IPCEF1: variants seen among roughly 807,000 people sequenced by gnomAD.
IPCEF1 encodes interactor protein for cytohesin exchange factors 1.
IPCEF1 carries 31 observed loss-of-function variants against 50.9 expected under a neutral mutation model. That is an observed-to-expected ratio of 0.61 (90% CI 0.46 to 0.82). IPCEF1 has a LOEUF of 0.82. Among genes scored for constraint, IPCEF1 ranks in the 40% least tolerant of loss-of-function variants. The pLI is 0.00. For synonymous variants in IPCEF1, 181 were observed against 192.0 expected (o/e 0.94, Z 0.47); for missense variants, 458 against 514.0 (o/e 0.89, Z 1.05).
intron 3 of IPCEF1, among the ~76,000 whole-genome samples, chr6:154,261,603 C>A (rs1781603788): frequency 6.6e-6 from 1 of 152,128 alleles, no homozygotes; most frequent in Non-Finnish European, 1.5e-5. Flanking sequence ...CCCATTGTTT[C>A]ATTTAGAAGA....
intron 5 of IPCEF1, among the ~76,000 whole-genome samples, chr6:154,245,525 T>C (rs1780959916): frequency 6.6e-6 from 1 of 152,194 alleles, no homozygotes; most frequent in Admixed American, 6.5e-5. Flanking sequence ...AACTAAAAAT[T>C]TGGCCCACAA....
chr6:154,166,940 G>A (rs1227329530), intron 11 of IPCEF1, among the ~76,000 whole-genome samples: 1 of 151,986 alleles, frequency 6.6e-6, no homozygotes. Flanking sequence ...TATTATCTTT[G>A]TATAATTAAA....
chr6:154,235,560 G>T, intron 5 of IPCEF1, among the ~76,000 whole-genome samples: 1 of 139,116 alleles, frequency 7.2e-6, no homozygotes, highest in African/African-American at 2.7e-5. Context: ...AAGTAATGAA[G>T]ACAAAGTTAA....
At chr6:154,210,082 T>A (rs1255783281) in intron 9 of IPCEF1, among the ~76,000 whole-genome samples, 2 of 152,320 alleles carry the variant, frequency 1.3e-5, no homozygotes, top group East Asian at 3.9e-4. Context: ...ACTGTCATTA[T>A]ATAATGCAAT....
chr6:154,286,691 T>G (rs1782368602), intron 2 of IPCEF1, among the ~76,000 whole-genome samples: 1 of 152,052 alleles, frequency 6.6e-6, no homozygotes, highest in Non-Finnish European at 1.5e-5. Flanking sequence ...GGGAGAGCAG[T>G]GTGATGGAAG....
intron 9 of IPCEF1, among the ~76,000 whole-genome samples, chr6:154,203,556 A>G (rs1777244511): frequency 6.6e-6 from 1 of 152,192 alleles, no homozygotes; most frequent in African/African-American, 2.4e-5. Flanking sequence ...TCAAGGATAC[A>G]GGGAGCCGAC....
At chr6:154,198,043 G>T (rs770915319) in intron 10 of IPCEF1, among the ~76,000 whole-genome samples, 2 of 152,134 alleles carry the variant, frequency 1.3e-5, no homozygotes, top group African/African-American at 4.8e-5. Flanking sequence ...AGAACAAGAG[G>T]TGTGACCAAT....
chr6:154,170,158 A>G (rs568125767), intron 10 of IPCEF1, among the ~76,000 whole-genome samples: 3 of 152,326 alleles, frequency 2.0e-5, no homozygotes, highest in African/African-American at 7.2e-5. Flanking sequence ...ATTTCTCACT[A>G]AGAACGTTAG....
chr6:154,201,861 C>T (rs1248638510), intron 9 of IPCEF1, among the ~76,000 whole-genome samples: 1 of 152,152 alleles, frequency 6.6e-6, no homozygotes, highest in Non-Finnish European at 1.5e-5. Context: ...CATGATTGTA[C>T]TCCAGCCTGG....
rs145637671 is a variant in IPCEF1, at chr6:154,185,699, G to A, written c.910+13969C>T. On this transcript the variant is annotated intron_variant, in intron 10 of 11. Coordinates refer to ENST00000367220, the MANE Select transcript of IPCEF1 (RefSeq NM_001130700.2). Reference sequence around the variant, plus strand: ...GGTGTCCAATCTTTTGGCTTCCCTCGGCCACATTAGAAGAAGAAGAAGAAC... The same window carrying A: ...GGTGTCCAATCTTTTGGCTTCCCTCAGCCACATTAGAAGAAGAAGAAGAAC... Among the ~76,000 whole-genome samples, 27 of 151,930 alleles carry A rather than the reference G, an allele frequency of 1.8e-4. No individual in the cohort carries two copies. The East Asian group carries it at 4.8e-3, about 27-fold the overall frequency.
At chr6:154,334,198 C>G (rs1017862497) in intron 1 of IPCEF1, among the ~76,000 whole-genome samples, 1 of 152,158 alleles carries the variant, frequency 6.6e-6, no homozygotes, top group Admixed American at 6.5e-5. Context: ...GTGTTAGTAA[C>G]TCATAACAAT....
chr6:154,307,779 C>G (rs1378247144), intron 1 of IPCEF1, among the ~76,000 whole-genome samples: 1 of 152,072 alleles, frequency 6.6e-6, no homozygotes, highest in East Asian at 1.9e-4. Flanking sequence ...CTAACTATAC[C>G]CTACTCTTTG....
chr6:154,296,828 C>CAA (rs200689361), intron 1 of IPCEF1, among the ~76,000 whole-genome samples: 45 of 74,866 alleles, frequency 6.0e-4, no homozygotes, highest in Non-Finnish European at 1.0e-3. Flanking sequence ...GACTCCGTCT[C>CAA]AAAAAAAAAA....
intron 1 of IPCEF1, among the ~76,000 whole-genome samples, chr6:154,315,078 T>G (rs1783180710): frequency 6.6e-6 from 1 of 152,268 alleles, no homozygotes; most frequent in East Asian, 1.9e-4. Flanking sequence ...AGACAGGATT[T>G]CACCATGTTG....
chr6:154,281,278 G>T (rs372851404), intron 2 of IPCEF1, among the ~76,000 whole-genome samples: 13 of 151,272 alleles, frequency 8.6e-5, no homozygotes, highest in African/African-American at 2.9e-4. Context: ...GCCTGAACCC[G>T]GGAGGTGGAG....
chr6:154,306,179 A>G (rs973071957), intron 1 of IPCEF1, among the ~76,000 whole-genome samples: 3 of 152,116 alleles, frequency 2.0e-5, no homozygotes, highest in Admixed American at 6.5e-5. Flanking sequence ...CACTTACATT[A>G]ACCTCATCAG....
rs142673891 is a variant in IPCEF1 at position 154,231,001 on chromosome 6, G to A, written c.247-7758C>T. Among the ~76,000 whole-genome samples the A allele has an allele frequency of 4.6e-5, 7 of 152,196 alleles. No individual in the cohort carries two copies. In the East Asian group the frequency reaches 9.6e-4, roughly 21 times the overall value. On this transcript the variant is annotated intron_variant, in intron 5 of 11. Coordinates refer to ENST00000367220, the MANE Select transcript of IPCEF1 (RefSeq NM_001130700.2). ...TACCCAATGACTATCTGAATCAGCC[G>A]AAACTGCAAAAGTCTCCATTTCTCC...
At chr6:154,216,476 G>A (rs889923227) in intron 7 of IPCEF1, among the ~76,000 whole-genome samples, 1 of 152,164 alleles carries the variant, frequency 6.6e-6, no homozygotes, top group African/African-American at 2.4e-5. Context: ...GCATAGAATA[G>A]TATGTTTAGC....
chr6:154,301,081 T>A (rs1232700641), intron 1 of IPCEF1, among the ~76,000 whole-genome samples: 2 of 152,248 alleles, frequency 1.3e-5, no homozygotes, highest in Non-Finnish European at 2.9e-5. Flanking sequence ...CCAAAAGTTA[T>A]ATTAATCACC....
Sources: allele counts gnomAD v4.1 joint callset (sites outside exome capture counted in the v4.1 genomes callset), GRCh38; gene constraint gnomAD v4.1.1; transcripts MANE v1.5; gene names NCBI Gene and HGNC (gene_info 2026-07-23, HGNC 2026-07-21).